Variants in ADRA1A observed in about 807,000 individuals in gnomAD.
ADRA1A encodes the protein alpha-1A adrenergic receptor.
In ADRA1A, 31 loss-of-function variants were observed where a neutral mutation model predicts 29.6. The ratio of observed to expected loss-of-function variants is 1.05; its 90% CI spans 0.79 to 1.41. The LOEUF is 1.41. ADRA1A is among the 40% of genes most tolerant of loss of function. The pLI, the probability that ADRA1A is intolerant of heterozygous loss-of-function variation, is 0.00. For synonymous variants in ADRA1A, 311 were observed against 254.3 expected, an observed-to-expected ratio of 1.22 and a Z score of -2.12; for missense variants, 619 against 601.1, an observed-to-expected ratio of 1.03 and a Z score of -0.31.
chr8:26,786,240 AT>A (rs10714502), intron 2 of ADRA1A, among the ~76,000 whole-genome samples: 62,777 of 145,658 alleles, frequency 0.43, 15,453 homozygotes, highest in East Asian at 0.85. Flanking sequence ...TTATTTTTAA[AT>A]TTTTTTTTTT....
At chr8:26,830,951 G>A (rs1337329875) in intron 2 of ADRA1A, among the ~76,000 whole-genome samples, 1 of 152,132 alleles carries the variant, frequency 6.6e-6, no homozygotes, top group Non-Finnish European at 1.5e-5. Context: ...AAAGTTAAAT[G>A]ACTGGATGAA....
Position 26,769,672 on chromosome 8 carries a change from A to G in ADRA1A, c.*477T>C. Reference sequence around the variant, plus strand: ...ATAATGTGTCTGGATCTCGGCCACCATCTTAATGCTCTTCCTCTCTAGGCC... The same window carrying G: ...ATAATGTGTCTGGATCTCGGCCACCGTCTTAATGCTCTTCCTCTCTAGGCC... On this transcript the variant is annotated 3_prime_UTR_variant, in exon 3 of 3. Transcript: ENST00000380573. 2.0e-6 allele frequency: 2 copies of G among 985,774 alleles called. No individual in the cohort carries two copies. The highest frequency in any genetic ancestry group is 2.4e-6 in the Non-Finnish European group (2 of 830,328). 61.1% of individuals were successfully genotyped at this position (985,774 alleles called of 1,614,324 possible). A position where few individuals can be genotyped will look rare whatever the true frequency, so the allele number is the denominator to read the frequency against.
chr8:26,786,074 A>G (rs1249625923), intron 2 of ADRA1A, among the ~76,000 whole-genome samples: 1 of 152,100 alleles, frequency 6.6e-6, no homozygotes, highest in African/African-American at 2.4e-5. Context: ...ATTTCCACTT[A>G]AAGGCCTCAA....
intron 2 of ADRA1A, among the ~76,000 whole-genome samples, chr8:26,789,954 C>CA (rs1421738470): frequency 6.6e-6 from 1 of 152,054 alleles, no homozygotes; most frequent in East Asian, 1.9e-4. Context: ...AAAAACATAA[C>CA]AAATGCTGGT....
intron 2 of ADRA1A, among the ~76,000 whole-genome samples, chr8:26,802,978 A>G (rs1271237142): frequency 6.6e-6 from 1 of 152,206 alleles, no homozygotes; most frequent in Non-Finnish European, 1.5e-5. Flanking sequence ...AGGCAAGGAA[A>G]GACAAACTTC....
At chr8:26,768,057 T>C (rs1585644163), downstream of ADRA1A, among the ~76,000 whole-genome samples, 1 of 152,070 alleles carries the variant, frequency 6.6e-6, no homozygotes, top group South Asian at 2.1e-4. Context: ...TGAATATGTA[T>C]CTGGCCAGTA....
At chr8:26,799,411 A>C (rs1808413204) in intron 2 of ADRA1A, among the ~76,000 whole-genome samples, 3 of 152,214 alleles carry the variant, frequency 2.0e-5, no homozygotes. Flanking sequence ...GGTGCCACAG[A>C]GGAGAGAGCT....
In ADRA1A at chr8:26,841,138, A is replaced by G. The variant is rs1039848912; in HGVS notation, c.883+22949T>C. ...TTGGAAATGAGAATCAAAATGCCCA[A>G]CTGCCCCCAAATGTTCACATGGATT... is the stretch of plus-strand genomic sequence containing the variant. On this transcript the variant is annotated intron_variant, in intron 2 of 2. Coordinates refer to ENST00000380573, the MANE Select transcript of ADRA1A (RefSeq NM_000680.4). The surrounding 1 kb of genome is among the most constrained non-coding windows in gnomAD (Gnocchi z 4.4). Among the ~76,000 whole-genome samples, 5 of 152,240 alleles carry G rather than the reference A, an allele frequency of 3.3e-5. No individual in the cohort carries two copies. The highest frequency in any genetic ancestry group is 9.6e-5 in the African/African-American group (4 of 41,470).
chr8:26,765,793 G>A, downstream of ADRA1A: 1 of 1,284,800 alleles, frequency 7.8e-7, no homozygotes, highest in Non-Finnish European at 9.8e-7. Flanking sequence ...AAGGACCTGA[G>A]CAGACCAGCC....
intron 2 of ADRA1A, among the ~76,000 whole-genome samples, chr8:26,791,488 G>A (rs1563256162): frequency 6.6e-6 from 1 of 152,058 alleles, no homozygotes; most frequent in Non-Finnish European, 1.5e-5. Context: ...GTGCCCACTG[G>A]GTGCTAAACT....
chr8:26,865,836 GAACC>G lies in ADRA1A; in HGVS notation c.-686-185_-686-182del, dbSNP rs1813865313. On this transcript the variant is annotated intron_variant, in intron 1 of 2. Coordinates refer to ENST00000380573, the MANE Select transcript of ADRA1A (RefSeq NM_000680.4). This position sits in a 1 kb window ranked among gnomAD's most constrained non-coding sequence, Gnocchi z 7.6. ...GCTCATCTCGCGCCCCCACCACTGG[GAACC>G]TGCCTAGCGCACTCTACTGAGTCAC... The G allele has an allele frequency of 1.6e-5, 6 of 364,028 alleles. No individual in the cohort carries two copies. Among genetic ancestry groups the G allele is most frequent in the African/African-American group, 2.2e-5 (1 of 45,304 alleles). 22.5% of individuals were successfully genotyped at this position (364,028 alleles called of 1,614,324 possible). A position where few individuals can be genotyped will look rare whatever the true frequency, so the allele number is the denominator to read the frequency against.
chr8:26,864,226 C>G lies in ADRA1A; in HGVS notation c.744G>C (p.Met248Ile). 1 of 1,614,208 alleles carries G rather than the reference C, an allele frequency of 6.2e-7. No homozygotes were observed. Among genetic ancestry groups the G allele is most frequent in the African/African-American group, 1.3e-5 (1 of 75,066 alleles). ...RKNAPAGGSG[M>I]ASAKTKTHFS... ...AGTGCGTCTTGGTCTTGGCGCTGGC[C>G]ATCCCGCTGCCTCCTGCCGGGGCGT... is the stretch of plus-strand genomic sequence containing the variant. The change falls in exon 2 of 3, where the codon ATG (methionine) becomes ATC (isoleucine). Residue 248 changes from methionine (M) to isoleucine (I), a missense_variant. By Grantham distance (10) the Met-to-Ile change is conservative. Coordinates refer to ENST00000380573, the MANE Select transcript of ADRA1A (RefSeq NM_000680.4). The surrounding 1 kb of genome is among the most constrained non-coding windows in gnomAD (Gnocchi z 8.1).
At position 26,775,900 on chromosome 8, in the gene ADRA1A, A is replaced by G. The variant is rs1187774789; in HGVS notation, c.884-5234T>C. ...AAAGGCCTCTAGATGCCAAGAAGAAATTGAAACGAATAATTTAAAATGTTG... is the reference window on the plus strand; with the variant it reads ...AAAGGCCTCTAGATGCCAAGAAGAAGTTGAAACGAATAATTTAAAATGTTG... On this transcript the variant is annotated intron_variant, in intron 2 of 2. Coordinates refer to ENST00000380573, the MANE Select transcript of ADRA1A (RefSeq NM_000680.4). This position sits in a 1 kb window ranked among gnomAD's most constrained non-coding sequence, Gnocchi z 4.1. Among the ~76,000 whole-genome samples the G allele has an allele frequency of 2.0e-5, 3 of 152,204 alleles. No homozygotes were observed. The highest frequency in any genetic ancestry group is 1.5e-5 in the Non-Finnish European group (1 of 68,040).
intron 2 of ADRA1A, among the ~76,000 whole-genome samples, chr8:26,851,803 GC>G (rs1712009562): frequency 6.6e-6 from 1 of 152,044 alleles, no homozygotes; most frequent in Non-Finnish European, 1.5e-5. Context: ...AAACCTGGTA[GC>G]AAAGGGAAAC....
Position 26,866,192 on chromosome 8 carries a change from C to T in ADRA1A, c.-686-537G>A, listed in dbSNP as rs956406010. On this transcript the variant is annotated intron_variant, in intron 1 of 2. Transcript: ENST00000380573. This position sits in a 1 kb window ranked among gnomAD's most constrained non-coding sequence, Gnocchi z 5.7. ...CTCTCACGCCGGTGGAATTCGCACT[C>T]GGGTGTGCAGAGCGCACCGGTCTGT... 1.3e-5 allele frequency among the ~76,000 whole-genome samples: 2 copies of T among 151,960 alleles called. No homozygotes were observed. The highest frequency in any genetic ancestry group is 2.9e-5 in the Non-Finnish European group (2 of 67,988).
At chr8:26,791,525 T>C (rs1807834656) in intron 2 of ADRA1A, among the ~76,000 whole-genome samples, 2 of 152,114 alleles carry the variant, frequency 1.3e-5, no homozygotes, top group East Asian at 1.9e-4. Flanking sequence ...CAGCAGCTGA[T>C]CTAATTTTCC....
At position 26,801,600 on chromosome 8, in the gene ADRA1A, C is replaced by T. The variant is rs113745160; in HGVS notation, c.884-30934G>A. Among the ~76,000 whole-genome samples the T allele has an allele frequency of 4.5e-4, 69 of 151,956 alleles. 1 individual carries two copies. Among genetic ancestry groups the T allele is most frequent in the African/African-American group, 1.4e-3 (60 of 41,472 alleles). On this transcript the variant is annotated intron_variant, in intron 2 of 2. Transcript: ENST00000380573. ...TACAATGAAAACTGTAGAATACTGA[C>T]GAAAGAAATTGAAGAAGACACACAA...
At chr8:26,843,814 A>G (rs1812009626) in intron 2 of ADRA1A, among the ~76,000 whole-genome samples, 1 of 152,242 alleles carries the variant, frequency 6.6e-6, no homozygotes, top group Admixed American at 6.5e-5. Flanking sequence ...AATATTTTAC[A>G]TTGTGTAAAT....
Position 26,770,191 on chromosome 8 carries a change from C to A in ADRA1A, c.1359G>T (p.Lys453Asn), listed in dbSNP as rs777627486. ...LDKNHQVPTI[K>N]VHTISLSENG... Reference sequence around the variant, plus strand: ...TCTCACTGAGGGAGATGGTGTGGACCTTAATGGTTGGAACTTGATGGTTCT... The same window carrying A: ...TCTCACTGAGGGAGATGGTGTGGACATTAATGGTTGGAACTTGATGGTTCT... Residue 453 changes from lysine (K) to asparagine (N), a missense_variant, in exon 3 of 3, where the codon AAG (lysine) becomes AAT (asparagine). Physicochemically the swap from Lys to Asn is moderately conservative, Grantham distance 94. Transcript: ENST00000380573. 11 of 1,589,730 alleles carry A rather than the reference C, an allele frequency of 6.9e-6. No homozygotes were observed. The East Asian group carries it at 2.0e-4, about 29-fold the overall frequency.
Sources: gnomAD v4.1 joint callset for allele counts (sites outside exome capture counted in the v4.1 genomes callset) on GRCh38, gnomAD v4.1.1 for gene constraint, Gnocchi (gnomAD v3.1) non-coding constraint, MANE v1.5 for transcripts, NCBI Gene and HGNC (gene_info 2026-07-23, HGNC 2026-07-21) for gene names.